RASSF8: variants seen among roughly 807,000 people sequenced by gnomAD.
RASSF8 encodes the protein Ras association domain family member 8.
Under a neutral mutation model 48.5 loss-of-function variants are expected in RASSF8, and 22 were observed. The ratio of observed to expected loss-of-function variants is 0.45; its 90% CI spans 0.32 to 0.65. The LOEUF is 0.65. RASSF8 is among the 30% of genes least tolerant of loss of function. RASSF8 has a pLI of 0.03. For missense variants in RASSF8, 418 were observed against 489.2 expected (o/e 0.85, Z 1.37); for synonymous variants, 127 against 171.5 (o/e 0.74, Z 2.03).
rs932856534 is a variant in RASSF8, at chr12:26,070,101, C to T, written c.*1283C>T. The stretch of plus-strand genomic sequence containing the variant: ...CACCACTTAGCCATTTTTACATTCC[C>T]TCTGGTTAGATTTGGTACAGTATAA... On this transcript the variant is annotated 3_prime_UTR_variant, in exon 6 of 6. Transcript: ENST00000689635. The T allele has an allele frequency of 4.4e-5, 43 of 978,834 alleles. No individual in the cohort carries two copies. Among genetic ancestry groups the T allele is most frequent in the Admixed American group, 6.1e-5 (1 of 16,264 alleles). 60.6% of individuals were successfully genotyped at this position (978,834 alleles called of 1,614,324 possible).
intron 2 of RASSF8, among the ~76,000 whole-genome samples, chr12:25,996,222 T>G (rs1191018535): frequency 1.3e-5 from 2 of 152,218 alleles, no homozygotes; most frequent in Non-Finnish European, 2.9e-5. Context: ...AAAAAGCCTA[T>G]TCAGACCCTA....
chr12:25,995,286 T>G (rs1186189044), intron 2 of RASSF8, among the ~76,000 whole-genome samples, 156 bp downstream of exon 2: 1 of 152,240 alleles, frequency 6.6e-6, no homozygotes, highest in African/African-American at 2.4e-5. Flanking sequence ...AGCCATTTAT[T>G]TAGAGAAGGA....
At chr12:26,044,263 A>G (rs1340905384) in intron 2 of RASSF8, among the ~76,000 whole-genome samples, 2 of 152,134 alleles carry the variant, frequency 1.3e-5, no homozygotes, top group African/African-American at 4.8e-5. Context: ...AGATTCCACA[A>G]GCAATCTCTG....
At chr12:26,011,033 A>C (rs1942511312) in intron 2 of RASSF8, among the ~76,000 whole-genome samples, 1 of 152,162 alleles carries the variant, frequency 6.6e-6, no homozygotes. Flanking sequence ...AATTAATCCC[A>C]GGGTTCTGCC....
At chr12:26,067,897 G>A (rs776994164) in intron 5 of RASSF8, among the ~76,000 whole-genome samples, 184 bp downstream of exon 5, 17 of 151,934 alleles carry the variant, frequency 1.1e-4, no homozygotes, top group Admixed American at 1.3e-4. Flanking sequence ...TCCTGTAGCC[G>A]GGGCTACAGG....
rs554062055 is a variant in RASSF8 at position 26,072,344 on chromosome 12, G to C, written c.*3526G>C. 1 of 985,266 alleles carries C rather than the reference G, an allele frequency of 1.0e-6. No individual in the cohort carries two copies. Among genetic ancestry groups the C allele is most frequent in the African/African-American group, 1.7e-5 (1 of 57,220 alleles). 61.0% of individuals were successfully genotyped at this position (985,266 alleles called of 1,614,324 possible). A position where few individuals can be genotyped will look rare whatever the true frequency, so the allele number is the denominator to read the frequency against. On this transcript the variant is annotated 3_prime_UTR_variant, in exon 6 of 6. Transcript: ENST00000689635. Reference sequence around the variant, plus strand: ...AGACAAAACAATCACTATTTATTCAGTATTGCTGCTTTACATCTCCAGAAT... The same window carrying C: ...AGACAAAACAATCACTATTTATTCACTATTGCTGCTTTACATCTCCAGAAT...
chr12:26,038,922 A>G (rs543368983), intron 2 of RASSF8, among the ~76,000 whole-genome samples: 44 of 152,336 alleles, frequency 2.9e-4, no homozygotes, highest in Admixed American at 1.6e-3. Context: ...TTCTTTCTAC[A>G]TAAGTGTAGG....
intron 1 of RASSF8, among the ~76,000 whole-genome samples, chr12:25,985,347 A>G (rs1459417267): frequency 6.6e-6 from 1 of 152,166 alleles, no homozygotes; most frequent in East Asian, 1.9e-4. Flanking sequence ...GGATCAGACA[A>G]ACCCTCTGCT....
intron 1 of RASSF8, among the ~76,000 whole-genome samples, chr12:25,987,153 C>T (rs1002156192): frequency 2.6e-5 from 4 of 152,108 alleles, no homozygotes; most frequent in Admixed American, 6.5e-5. Context: ...AGGCTGGTCT[C>T]GAACTCCCAA....
chr12:26,079,242 CTATA>C (rs1944097011), exon 6 of RASSF8: 1 of 477,510 alleles, frequency 2.1e-6, no homozygotes, highest in Admixed American at 4.0e-5. Context: ...AATATCCAAA[CTATA>C]TAAGGAACTC....
At chr12:26,015,854 A>G (rs1042129243) in intron 2 of RASSF8, among the ~76,000 whole-genome samples, 1 of 151,444 alleles carries the variant, frequency 6.6e-6, no homozygotes. Flanking sequence ...TTCTTTATTG[A>G]TAAGAATAAA....
intron 1 of RASSF8, among the ~76,000 whole-genome samples, chr12:25,972,189 T>G (rs7966942): frequency 0.055 from 8,391 of 152,184 alleles, 300 homozygotes; most frequent in Middle Eastern, 0.095. Context: ...GAAATCTAGA[T>G]TAATAGGAGT....
chr12:26,048,372 T>A (rs2137198137), intron 2 of RASSF8, among the ~76,000 whole-genome samples: 1 of 152,200 alleles, frequency 6.6e-6, no homozygotes, highest in Non-Finnish European at 1.5e-5. Flanking sequence ...GCTTATGACT[T>A]GGGAAGAAGA....
At chr12:26,027,632 T>C (rs537794329) in intron 2 of RASSF8, among the ~76,000 whole-genome samples, 56 of 152,254 alleles carry the variant, frequency 3.7e-4, no homozygotes, top group Non-Finnish European at 6.9e-4. Context: ...TGTGTGGTTG[T>C]GGCCTTGGAG....
At chr12:26,006,415 G>C (rs1447843385) in intron 2 of RASSF8, among the ~76,000 whole-genome samples, 1 of 152,180 alleles carries the variant, frequency 6.6e-6, no homozygotes, top group Non-Finnish European at 1.5e-5. Context: ...ATCTGCTTTA[G>C]TGGATGTTTG....
rs540722157 is a variant in RASSF8 at position 26,054,826 on chromosome 12, C to T, written c.-108-410C>T. ...AAATTTGTTAATAGTATTGGCAAAACACTGCACACTGCAAAGTGGTTCAAT... is the reference window on the plus strand; with the variant it reads ...AAATTTGTTAATAGTATTGGCAAAATACTGCACACTGCAAAGTGGTTCAAT... On this transcript the variant is annotated intron_variant, in intron 2 of 5. Coordinates refer to ENST00000689635, the MANE Select transcript of RASSF8 (RefSeq NM_001394098.1). Among the ~76,000 whole-genome samples, 6 of 152,250 alleles carry T rather than the reference C, an allele frequency of 3.9e-5. No individual in the cohort carries two copies. The South Asian group carries it at 1.0e-3, about 26-fold the overall frequency.
chr12:26,048,292 T>C (rs915573604), intron 2 of RASSF8, among the ~76,000 whole-genome samples: 2 of 152,204 alleles, frequency 1.3e-5, no homozygotes, highest in African/African-American at 4.8e-5. Flanking sequence ...TCTCTAGGTA[T>C]GAGAAGCTGA....
In RASSF8 at chr12:25,962,569, A is replaced by C. The variant is rs140314730; in HGVS notation, c.-203+3421A>C. 2.3e-3 allele frequency among the ~76,000 whole-genome samples: 357 copies of C among 152,290 alleles called. 1 individual carries two copies. The highest frequency in any genetic ancestry group is 8.3e-3 in the African/African-American group (344 of 41,544). ...CAATAAATATGTTGATATAATGAGT[A>C]AGATCGTAATATCAGTTTGTATCTT... On this transcript the variant is annotated intron_variant, in intron 1 of 5. Coordinates refer to ENST00000689635, the MANE Select transcript of RASSF8 (RefSeq NM_001394098.1).
chr12:26,037,248 A>T lies in RASSF8; in HGVS notation c.-108-17988A>T, dbSNP rs144425046. 1.2e-3 allele frequency among the ~76,000 whole-genome samples: 179 copies of T among 152,306 alleles called. 4 individuals carry two copies. The East Asian group carries it at 0.027, about 23-fold the overall frequency. On this transcript the variant is annotated intron_variant, in intron 2 of 5. Transcript: ENST00000689635. The stretch of plus-strand genomic sequence containing the variant: ...ATAAAATTAAGAGTCCTGAAAGCTG[A>T]CCTTCCTTATCACCATGGTCCAGAT...
Sources: gnomAD v4.1 joint callset for allele counts (sites outside exome capture counted in the v4.1 genomes callset) on GRCh38, gnomAD v4.1.1 for gene constraint, MANE v1.5 for transcripts, NCBI Gene and HGNC (gene_info 2026-07-23, HGNC 2026-07-21) for gene names.